RAP1GAP2: variants seen among roughly 807,000 people sequenced by gnomAD.
RAP1GAP2 encodes rap1 GTPase-activating protein 2.
In RAP1GAP2, 27 loss-of-function variants were observed where a neutral mutation model predicts 95.0. The ratio of observed to expected loss-of-function variants is 0.28; its 90% CI spans 0.21 to 0.39. RAP1GAP2 has a LOEUF of 0.39. Ranked by LOEUF, RAP1GAP2 falls within the 10% of genes least tolerant of loss-of-function variation. The pLI, the probability that RAP1GAP2 is intolerant of heterozygous loss-of-function variation, is 1.00. For synonymous variants in RAP1GAP2, 373 were observed against 380.9 expected, an observed-to-expected ratio of 0.98 and a Z score of 0.24; for missense variants, 771 against 970.0, an observed-to-expected ratio of 0.79 and a Z score of 2.72.
At chr17:2,928,875 G>A (rs890059996) in intron 3 of RAP1GAP2, among the ~76,000 whole-genome samples, 5 of 152,040 alleles carry the variant, frequency 3.3e-5, no homozygotes, top group Admixed American at 6.6e-5. Flanking sequence ...CATCCTGATC[G>A]CTCTGGGCAG....
intron 8 of RAP1GAP2, among the ~76,000 whole-genome samples, chr17:2,975,413 G>A (rs552286617): frequency 1.3e-5 from 2 of 152,206 alleles, no homozygotes; most frequent in South Asian, 4.1e-4. Flanking sequence ...ATAAAGGAAT[G>A]GAAAAAGATA....
chr17:2,915,800 C>A (rs1209643992), intron 3 of RAP1GAP2, among the ~76,000 whole-genome samples: 2 of 152,088 alleles, frequency 1.3e-5, no homozygotes, highest in Non-Finnish European at 2.9e-5. Context: ...TGAGTTCAAG[C>A]GATTCTCCTG....
At chr17:2,762,245 C>A (rs1035727680) in intron 1 of RAP1GAP2, among the ~76,000 whole-genome samples, 3 of 151,658 alleles carry the variant, frequency 2.0e-5, no homozygotes, top group Admixed American at 1.3e-4. Context: ...CCTCGGCCTC[C>A]CAAAGTGCTG....
rs897228956 is a variant in RAP1GAP2 at position 3,008,453 on chromosome 17, C to A, written c.1494+308C>A. Among the ~76,000 whole-genome samples the A allele has an allele frequency of 6.6e-6, 1 of 152,172 alleles. No individual in the cohort carries two copies. The highest frequency in any genetic ancestry group is 1.5e-5 in the Non-Finnish European group (1 of 68,018). On this transcript the variant is annotated intron_variant, in intron 17 of 24. Coordinates refer to ENST00000254695, the MANE Select transcript of RAP1GAP2 (RefSeq NM_015085.5). The surrounding 1 kb of genome is among the most constrained non-coding windows in gnomAD (Gnocchi z 4.2). ...GCAGTAGGAGAGGAGCTGGAGCAAGCCAGGAACATCGGCGCTTTCACCTGC... is the reference window on the plus strand; with the variant it reads ...GCAGTAGGAGAGGAGCTGGAGCAAGACAGGAACATCGGCGCTTTCACCTGC...
intron 1 of RAP1GAP2, among the ~76,000 whole-genome samples, chr17:2,781,370 G>T (rs367678694): frequency 2.0e-5 from 3 of 152,370 alleles, no homozygotes; most frequent in African/African-American, 7.2e-5. Context: ...ACAGGCAGTC[G>T]GGAACACTGA....
chr17:2,786,741 A>C (rs1428318522), intron 1 of RAP1GAP2, among the ~76,000 whole-genome samples: 1 of 148,052 alleles, frequency 6.8e-6, no homozygotes, highest in African/African-American at 2.5e-5. Flanking sequence ...TGCCTCCCGG[A>C]TTCAAGCGAC....
intron 17 of RAP1GAP2, among the ~76,000 whole-genome samples, chr17:3,010,204 G>A (rs2046474262): frequency 6.6e-6 from 1 of 151,940 alleles, no homozygotes; most frequent in African/African-American, 2.4e-5. Context: ...GCCGGGCGTG[G>A]TGACGTGAGC....
At chr17:2,936,301 G>A (rs2043309853) in intron 3 of RAP1GAP2, among the ~76,000 whole-genome samples, 1 of 121,580 alleles carries the variant, frequency 8.2e-6, no homozygotes, top group Non-Finnish European at 1.6e-5. Flanking sequence ...TTGTCTCGCT[G>A]GCCTTCATGC....
intron 13 of RAP1GAP2, among the ~76,000 whole-genome samples, chr17:2,996,044 T>C (rs2045949118): frequency 6.6e-6 from 1 of 152,188 alleles, no homozygotes; most frequent in Admixed American, 6.5e-5. Flanking sequence ...CATGGCTGGC[T>C]TCCTATAGAA....
chr17:2,937,479 G>A (rs1223888475), intron 3 of RAP1GAP2, among the ~76,000 whole-genome samples: 4 of 152,160 alleles, frequency 2.6e-5, no homozygotes, highest in Non-Finnish European at 4.4e-5. Context: ...TGTGCTGGGG[G>A]ACACTGTGCT....
chr17:2,894,680 G>A (rs1161128141), intron 2 of RAP1GAP2, among the ~76,000 whole-genome samples: 3 of 152,114 alleles, frequency 2.0e-5, no homozygotes, highest in East Asian at 1.9e-4. Context: ...CGGCTGAAGC[G>A]TCCGTCATTC....
chr17:2,993,554 C>G lies in RAP1GAP2; in HGVS notation c.915-1783C>G, dbSNP rs144391227. Among the ~76,000 whole-genome samples the G allele has an allele frequency of 6.9e-3, 1,027 of 148,796 alleles. 7 individuals carry two copies. Among genetic ancestry groups the G allele is most frequent in the African/African-American group, 0.023 (928 of 40,014 alleles). ...TGCCATTGTACTCCAGCCTGGGTAACAGAGTGAGACTCTGTCTAAAAAAAA... is the reference window on the plus strand; with the variant it reads ...TGCCATTGTACTCCAGCCTGGGTAAGAGAGTGAGACTCTGTCTAAAAAAAA... On this transcript the variant is annotated intron_variant, in intron 12 of 24. Coordinates refer to ENST00000254695, the MANE Select transcript of RAP1GAP2 (RefSeq NM_015085.5).
intron 4 of RAP1GAP2, 85 bp from the exon 5 acceptor site, chr17:2,962,585 C>T: frequency 1.4e-6 from 2 of 1,382,894 alleles, no homozygotes; most frequent in Admixed American, 2.2e-5. Flanking sequence ...CTGTTACTAA[C>T]CCCCTGTAAG....
chr17:2,958,700 A>C (rs1364765089), intron 4 of RAP1GAP2, among the ~76,000 whole-genome samples: 1 of 152,070 alleles, frequency 6.6e-6, no homozygotes, highest in Non-Finnish European at 1.5e-5. Flanking sequence ...CCATTATGTC[A>C]TGATGCTTTT....
intron 3 of RAP1GAP2, among the ~76,000 whole-genome samples, chr17:2,939,812 C>A (rs898364773): frequency 6.6e-6 from 1 of 152,264 alleles, no homozygotes; most frequent in African/African-American, 2.4e-5. Context: ...TGACGTAAGA[C>A]GTGTGGCACC....
rs1022328810 is a variant in RAP1GAP2, at chr17:3,008,520, G to A, written c.1494+375G>A. Among the ~76,000 whole-genome samples the A allele has an allele frequency of 1.3e-5, 2 of 152,210 alleles. No homozygotes were observed. The stretch of plus-strand genomic sequence containing the variant: ...GAGCCCAGGGCAGAATGGCAGGAGC[G>A]AGGACCACAGCCCTTACGGGTCTTC... On this transcript the variant is annotated intron_variant, in intron 17 of 24. Coordinates refer to ENST00000254695, the MANE Select transcript of RAP1GAP2 (RefSeq NM_015085.5). This position sits in a 1 kb window ranked among gnomAD's most constrained non-coding sequence, Gnocchi z 4.2.
At chr17:2,874,060 G>A (rs2072977850) in intron 2 of RAP1GAP2, among the ~76,000 whole-genome samples, 1 of 152,202 alleles carries the variant, frequency 6.6e-6, no homozygotes, top group Non-Finnish European at 1.5e-5. Flanking sequence ...ACAGGCATGA[G>A]CCACTGCACC....
At chr17:2,804,193 C>T (rs1462620324) in intron 2 of RAP1GAP2, among the ~76,000 whole-genome samples, 1 of 152,218 alleles carries the variant, frequency 6.6e-6, no homozygotes, top group East Asian at 1.9e-4. Flanking sequence ...GTTGCCTTGG[C>T]TCCCTCCCCA....
At chr17:2,957,823 A>T in intron 4 of RAP1GAP2, 29 bp downstream of exon 4, 1 of 1,565,148 alleles carries the variant, frequency 6.4e-7, no homozygotes, top group Non-Finnish European at 8.7e-7. Flanking sequence ...CGTGGCGGGG[A>T]AGAAGCCCAG....
Sources: gnomAD v4.1 joint callset for allele counts (sites outside exome capture counted in the v4.1 genomes callset) on GRCh38, gnomAD v4.1.1 for gene constraint, Gnocchi (gnomAD v3.1) non-coding constraint, MANE v1.5 for transcripts, NCBI Gene and HGNC (gene_info 2026-07-23, HGNC 2026-07-21) for gene names.